The following SLC25A17 variants were observed in gnomAD, a reference collection of about 807,000 sequenced individuals.
SLC25A17 encodes the protein solute carrier family 25 member 17.
SLC25A17 carries 26 observed loss-of-function variants against 38.5 expected under a neutral mutation model. The ratio of observed to expected loss-of-function variants is 0.68; its 90% CI spans 0.50 to 0.94. SLC25A17 has a LOEUF of 0.94. SLC25A17 is among the 40% of genes least tolerant of loss of function. SLC25A17 has a pLI of 0.00. For missense variants in SLC25A17, 333 were observed against 372.7 expected (o/e 0.89, Z 0.88); for synonymous variants, 139 against 136.2 (o/e 1.02, Z -0.14).
intron 1 of SLC25A17, among the ~76,000 whole-genome samples, chr22:40,816,324 A>G (rs922278502): frequency 1.3e-5 from 2 of 152,150 alleles, no homozygotes; most frequent in African/African-American, 2.4e-5. Flanking sequence ...CACTCTCTCT[A>G]TAGCAGGAGT....
intron 7 of SLC25A17, among the ~76,000 whole-genome samples, chr22:40,775,253 C>T (rs1481106375): frequency 2.0e-5 from 3 of 152,062 alleles, no homozygotes; most frequent in African/African-American, 4.8e-5. Flanking sequence ...TCTTTCAGTC[C>T]CTAGGATACA....
intron 5 of SLC25A17, among the ~76,000 whole-genome samples, chr22:40,777,664 C>T (rs1277109303): frequency 6.6e-6 from 1 of 151,828 alleles, no homozygotes; most frequent in African/African-American, 2.4e-5. Context: ...TACCTGTAAT[C>T]TCAGCTACTT....
intron 8 of SLC25A17, among the ~76,000 whole-genome samples, chr22:40,771,529 A>G (rs2057183201): frequency 6.6e-6 from 1 of 152,254 alleles, no homozygotes; most frequent in Non-Finnish European, 1.5e-5. Context: ...TTCAGCCATC[A>G]AAAAGAATGA....
At chr22:40,787,631 C>G (rs1445172970) in intron 4 of SLC25A17, among the ~76,000 whole-genome samples, 1 of 152,094 alleles carries the variant, frequency 6.6e-6, no homozygotes, top group African/African-American at 2.4e-5. Context: ...ATACTGAAAG[C>G]TTTTAAGCAG....
At chr22:40,790,819 A>G (rs1243141724) in intron 4 of SLC25A17, among the ~76,000 whole-genome samples, 1 of 152,244 alleles carries the variant, frequency 6.6e-6, no homozygotes, top group Admixed American at 6.5e-5. Context: ...ATACATATAA[A>G]CTAATCTAAA....
At chr22:40,778,923 T>C in intron 5 of SLC25A17, 86 bp downstream of exon 5, 4 of 1,147,006 alleles carry the variant, frequency 3.5e-6, no homozygotes, top group Non-Finnish European at 5.1e-6. Flanking sequence ...GCAAAGGATA[T>C]GTTATGTAGC....
chr22:40,811,446 T>C (rs1398071502), intron 1 of SLC25A17, among the ~76,000 whole-genome samples: 1 of 151,828 alleles, frequency 6.6e-6, no homozygotes, highest in Non-Finnish European at 1.5e-5. Flanking sequence ...TCTTTTTTTT[T>C]TGAGACAGGG....
At chr22:40,775,171 A>T (rs2057228579) in intron 7 of SLC25A17, among the ~76,000 whole-genome samples, 1 of 152,132 alleles carries the variant, frequency 6.6e-6, no homozygotes, top group South Asian at 2.1e-4. Context: ...ATAAAAATCT[A>T]CATTCCTCAC....
chr22:40,795,856 C>T (rs2057424721), intron 2 of SLC25A17, among the ~76,000 whole-genome samples: 1 of 152,014 alleles, frequency 6.6e-6, no homozygotes. Flanking sequence ...GGTGCGGTCT[C>T]GGCTCACTGC....
At chr22:40,784,088 T>C (rs1231443954) in intron 4 of SLC25A17, among the ~76,000 whole-genome samples, 2 of 152,180 alleles carry the variant, frequency 1.3e-5, no homozygotes, top group Non-Finnish European at 2.9e-5. Context: ...TAACATACTA[T>C]GTATTTTCCT....
chr22:40,808,259 A>G lies in SLC25A17; in HGVS notation c.55-9176T>C, dbSNP rs5995950. On this transcript the variant is annotated intron_variant, in intron 1 of 8. Coordinates refer to ENST00000435456, the MANE Select transcript of SLC25A17 (RefSeq NM_006358.4). ...TACAACACTCTATCTTCCCACCCCC[A>G]CAGCATTTAACCATTCAGTGTTGGG... Among the ~76,000 whole-genome samples the G allele has an allele frequency of 3.6e-3, 546 of 152,260 alleles. 5 individuals are homozygous for G. Among genetic ancestry groups the G allele is most frequent in the African/African-American group, 0.013 (526 of 41,538 alleles).
At chr22:40,776,921 G>T in intron 7 of SLC25A17, 119 bp downstream of exon 7, 1 of 835,912 alleles carries the variant, frequency 1.2e-6, no homozygotes, top group South Asian at 1.7e-5. Context: ...AAAACAGATA[G>T]GGAATATTCT....
intron 7 of SLC25A17, among the ~76,000 whole-genome samples, chr22:40,774,325 G>C (rs1253297600): frequency 6.6e-6 from 1 of 151,670 alleles, no homozygotes; most frequent in East Asian, 1.9e-4. Context: ...CCAGGTTCAA[G>C]TGATTCTCCT....
intron 4 of SLC25A17, among the ~76,000 whole-genome samples, chr22:40,787,470 C>T (rs571260928): frequency 1.3e-5 from 2 of 152,152 alleles, no homozygotes; most frequent in African/African-American, 4.8e-5. Flanking sequence ...AAGGGCTCAG[C>T]GTGCTGTGGT....
chr22:40,786,365 T>C (rs2145664844), intron 4 of SLC25A17, among the ~76,000 whole-genome samples: 2 of 151,142 alleles, frequency 1.3e-5, no homozygotes, highest in South Asian at 4.2e-4. Flanking sequence ...GATTTGATGA[T>C]GGTGGCTGGG....
intron 4 of SLC25A17, among the ~76,000 whole-genome samples, chr22:40,783,957 G>A (rs995644182): frequency 2.8e-4 from 43 of 152,064 alleles, no homozygotes; most frequent in Non-Finnish European, 3.2e-4. Flanking sequence ...CACCTGCCTC[G>A]GCCTCTCAAA....
chr22:40,793,818 G>A (rs1289277582), intron 3 of SLC25A17, among the ~76,000 whole-genome samples: 1 of 152,106 alleles, frequency 6.6e-6, no homozygotes, highest in East Asian at 1.9e-4. Context: ...CTCCATGTTG[G>A]TCAGGCTGTC....
chr22:40,801,189 A>C (rs2057481147), intron 1 of SLC25A17, among the ~76,000 whole-genome samples: 1 of 141,538 alleles, frequency 7.1e-6, no homozygotes, highest in Non-Finnish European at 1.5e-5. Flanking sequence ...AATAACTAGG[A>C]GCTAGGTCAA....
chr22:40,813,821 A>G (rs2057607882), intron 1 of SLC25A17: 1 of 152,434 alleles, frequency 6.6e-6, no homozygotes, highest in Admixed American at 6.5e-5. Context: ...CTTTATAGCT[A>G]TAGTATCTGT....
Sources: gnomAD v4.1 joint callset for allele counts (sites outside exome capture counted in the v4.1 genomes callset) on GRCh38, gnomAD v4.1.1 for gene constraint, MANE v1.5 for transcripts, NCBI Gene and HGNC (gene_info 2026-07-23, HGNC 2026-07-21) for gene names.